The following ASIC2 variants were observed in gnomAD, a reference collection of about 807,000 sequenced individuals.
ASIC2 encodes acid-sensing ion channel 2.
In ASIC2, 25 loss-of-function variants were observed where a neutral mutation model predicts 57.3. The observed-to-expected ratio is 0.44, with a 90% CI of 0.32 to 0.61. The LOEUF is 0.61. Among genes scored for constraint, ASIC2 ranks in the 20% least tolerant of loss-of-function variants. ASIC2 has a pLI of 0.06. For missense variants in ASIC2, 641 were observed against 738.1 expected (o/e 0.87, Z 1.52); for synonymous variants, 319 against 307.5 (o/e 1.04, Z -0.39).
At chr17:33,299,385 G>T (rs978151944) in intron 1 of ASIC2, among the ~76,000 whole-genome samples, 5 of 152,166 alleles carry the variant, frequency 3.3e-5, no homozygotes, top group Admixed American at 2.0e-4. Flanking sequence ...ACTGGTGGAA[G>T]GAGAGAGAGG....
intron 1 of ASIC2, among the ~76,000 whole-genome samples, chr17:33,269,164 C>T (rs547263892): frequency 6.6e-6 from 1 of 152,246 alleles, no homozygotes; most frequent in African/African-American, 2.4e-5. Context: ...CAGATTCAGA[C>T]CAGTTTTTGT....
At chr17:33,553,570 G>C (rs946594482) in intron 1 of ASIC2, among the ~76,000 whole-genome samples, 2 of 151,966 alleles carry the variant, frequency 1.3e-5, no homozygotes, top group East Asian at 3.9e-4. Context: ...TCCTGGGCTT[G>C]AGCAATCCTC....
At chr17:33,420,435 G>A (rs1220931488) in intron 1 of ASIC2, among the ~76,000 whole-genome samples, 5 of 152,178 alleles carry the variant, frequency 3.3e-5, no homozygotes, top group African/African-American at 9.7e-5. Context: ...ATGGATGAAC[G>A]GGGCACAGAA....
At chr17:33,110,135 A>G (rs2141985268) in intron 2 of ASIC2, among the ~76,000 whole-genome samples, 1 of 152,310 alleles carries the variant, frequency 6.6e-6, no homozygotes, top group East Asian at 1.9e-4. Flanking sequence ...TCATGGAGGG[A>G]CATAACTAAC....
intron 1 of ASIC2, among the ~76,000 whole-genome samples, chr17:33,640,245 T>G (rs1189339428): frequency 6.6e-6 from 1 of 152,024 alleles, no homozygotes; most frequent in Non-Finnish European, 1.5e-5. Flanking sequence ...CCATGGGGGC[T>G]GAGGGAGTTT....
At chr17:33,666,479 C>T (rs1247296857) in intron 1 of ASIC2, among the ~76,000 whole-genome samples, 3 of 152,138 alleles carry the variant, frequency 2.0e-5, no homozygotes, top group Non-Finnish European at 4.4e-5. Flanking sequence ...AGGCTCAAAG[C>T]CCCCAGAGGG....
intron 1 of ASIC2, among the ~76,000 whole-genome samples, chr17:33,777,359 T>C (rs1437198345): frequency 6.6e-6 from 1 of 152,232 alleles, no homozygotes; most frequent in African/African-American, 2.4e-5. Context: ...ATAATTTAAT[T>C]GGTTCCTCAT....
intron 1 of ASIC2, among the ~76,000 whole-genome samples, chr17:33,996,868 G>C (rs1906176863): frequency 6.6e-6 from 1 of 152,084 alleles, no homozygotes; most frequent in Non-Finnish European, 1.5e-5. Context: ...TAAATTTTAG[G>C]GTTGTTTGTT....
chr17:33,227,513 G>T (rs1474877883), intron 1 of ASIC2, among the ~76,000 whole-genome samples: 1 of 152,082 alleles, frequency 6.6e-6, no homozygotes. Flanking sequence ...CAGGACAAAG[G>T]AGAGTGAGGA....
chr17:33,642,499 T>A (rs1332838151), intron 1 of ASIC2, among the ~76,000 whole-genome samples: 1 of 152,202 alleles, frequency 6.6e-6, no homozygotes, highest in African/African-American at 2.4e-5. Flanking sequence ...CTGCCCCTTG[T>A]AAGGGTTGCA....
chr17:33,834,767 A>G (rs1262529419), intron 1 of ASIC2, among the ~76,000 whole-genome samples: 1 of 152,140 alleles, frequency 6.6e-6, no homozygotes, highest in East Asian at 1.9e-4. Flanking sequence ...GCCCCAAGAG[A>G]GTGCTGCCTC....
At position 33,199,508 on chromosome 17, in the gene ASIC2, G is replaced by C. The variant is rs142479375; in HGVS notation, c.709-87441C>G. 1.9e-3 allele frequency among the ~76,000 whole-genome samples: 282 copies of C among 152,256 alleles called. 2 individuals are homozygous for C. Among genetic ancestry groups the C allele is most frequent in the African/African-American group, 6.5e-3 (270 of 41,540 alleles). On this transcript the variant is annotated intron_variant, in intron 1 of 9. Transcript: ENST00000225823. Reference sequence around the variant, plus strand: ...TACACAAACTCTCTTAGCTTTTACTGGCTCCTGCATAAAACAGAGATATTC... The same window carrying C: ...TACACAAACTCTCTTAGCTTTTACTCGCTCCTGCATAAAACAGAGATATTC...
At chr17:33,512,579 T>G (rs1914459665) in intron 1 of ASIC2, among the ~76,000 whole-genome samples, 1 of 151,844 alleles carries the variant, frequency 6.6e-6, no homozygotes, top group Non-Finnish European at 1.5e-5. Flanking sequence ...CAGAAGGGAG[T>G]GAATCCACCA....
At chr17:33,802,105 G>A (rs1478738313) in intron 1 of ASIC2, among the ~76,000 whole-genome samples, 1 of 152,198 alleles carries the variant, frequency 6.6e-6, no homozygotes, top group Non-Finnish European at 1.5e-5. Context: ...CAATGTTTTG[G>A]TCAATGACAG....
intron 1 of ASIC2, among the ~76,000 whole-genome samples, chr17:33,895,030 T>C (rs546289797): frequency 6.6e-6 from 1 of 152,346 alleles, no homozygotes; most frequent in South Asian, 2.1e-4. Context: ...GTTGCGCTGC[T>C]GGGTTGTACA....
At chr17:33,474,677 T>C (rs926058608) in intron 1 of ASIC2, among the ~76,000 whole-genome samples, 2 of 152,194 alleles carry the variant, frequency 1.3e-5, no homozygotes, top group Admixed American at 6.5e-5. Flanking sequence ...GGGTGCTCCC[T>C]GTTGTCTGGC....
intron 1 of ASIC2, among the ~76,000 whole-genome samples, chr17:34,021,295 A>G (rs1907150697): frequency 6.6e-6 from 1 of 151,588 alleles, no homozygotes; most frequent in South Asian, 2.1e-4. Flanking sequence ...CCCTACCACC[A>G]TCACTCAGGG....
intron 1 of ASIC2, among the ~76,000 whole-genome samples, chr17:33,219,740 C>T (rs765392418): frequency 5.3e-5 from 8 of 152,094 alleles, no homozygotes; most frequent in African/African-American, 1.2e-4. Context: ...CATAAAATCC[C>T]GCTACCAGAG....
intron 1 of ASIC2, among the ~76,000 whole-genome samples, chr17:33,467,503 C>T (rs1411669670): frequency 6.6e-6 from 1 of 152,042 alleles, no homozygotes; most frequent in South Asian, 2.1e-4. Context: ...TAGGAGAGGC[C>T]TCATTATACC....
Sources: gnomAD v4.1 joint callset for allele counts (sites outside exome capture counted in the v4.1 genomes callset) on GRCh38, gnomAD v4.1.1 for gene constraint, MANE v1.5 for transcripts, NCBI Gene and HGNC (gene_info 2026-07-23, HGNC 2026-07-21) for gene names.